The following DTX2 variants were observed in gnomAD, a reference collection of about 807,000 sequenced individuals.
The protein encoded by DTX2 is deltex E3 ubiquitin ligase 2, also known as probable E3 ubiquitin-protein ligase DTX2.
Under a neutral mutation model 55.3 loss-of-function variants are expected in DTX2, and 29 were observed. The ratio of observed to expected loss-of-function variants is 0.52; its 90% CI spans 0.39 to 0.71. DTX2 has a LOEUF of 0.71. Among genes scored for constraint, DTX2 ranks in the 30% least tolerant of loss-of-function variants. DTX2 has a pLI of 0.00. For missense variants in DTX2, 537 were observed against 822.5 expected (o/e 0.65, Z 4.25); for synonymous variants, 276 against 340.4 (o/e 0.81, Z 2.08).
At chr7:76,483,778 G>C (rs1271733196) in intron 4 of DTX2, among the ~76,000 whole-genome samples, 1 of 150,910 alleles carries the variant, frequency 6.6e-6, no homozygotes, top group Admixed American at 6.6e-5. Flanking sequence ...GATTGGTCAG[G>C]CACAGAGGCT....
intron 4 of DTX2, among the ~76,000 whole-genome samples, chr7:76,486,846 G>GGCGGCTGCT (rs1554636852): frequency 1.3e-5 from 1 of 79,832 alleles, no homozygotes; most frequent in Non-Finnish European, 2.7e-5. Context: ...TGTTGTGGTG[G>GGCGGCTGCT]GCTGCTGCTG....
At chr7:76,468,461 T>A (rs1807445480) in intron 2 of DTX2, among the ~76,000 whole-genome samples, 1 of 96,108 alleles carries the variant, frequency 1.0e-5, no homozygotes, top group Non-Finnish European at 2.0e-5. Context: ...TTTTTTTTTT[T>A]TTTTTTTTTT....
intron 4 of DTX2, among the ~76,000 whole-genome samples, chr7:76,484,308 C>T (rs1340588478): frequency 3.9e-5 from 4 of 103,852 alleles, no homozygotes; most frequent in Non-Finnish European, 5.9e-5. Context: ...CGTGCCACTG[C>T]GTTCCAGCCT....
chr7:76,468,027 T>C (rs1157142990), intron 2 of DTX2, among the ~76,000 whole-genome samples: 1 of 152,254 alleles, frequency 6.6e-6, no homozygotes, highest in Non-Finnish European at 1.5e-5. Flanking sequence ...CAAGGGAATA[T>C]TGAAGCCATG....
At chr7:76,480,301 T>C (rs142909384) in intron 2 of DTX2, 120 bp from the exon 3 acceptor site, 8,300 of 577,370 alleles carry the variant, frequency 0.014, 457 homozygotes, top group East Asian at 0.13. Context: ...TGAGACCCTG[T>C]AACCAAAAAA....
chr7:76,502,478 G>A (rs376289670), intron 8 of DTX2, 22 bp downstream of exon 8: 21 of 1,606,476 alleles, frequency 1.3e-5, no homozygotes, highest in African/African-American at 6.7e-5. Flanking sequence ...GGCCCAGGGC[G>A]GAGGCGGGTG....
Position 76,488,156 on chromosome 7 carries a change from C to T in DTX2, c.909-3997C>T, listed in dbSNP as rs189491181. On this transcript the variant is annotated intron_variant, in intron 4 of 10. Transcript: ENST00000430490. ...TTAGAGCTTTCTACAGAACATTCTCCTGGTTCCTGCTCTCTATTCGCAGGG... is the reference window on the plus strand; with the variant it reads ...TTAGAGCTTTCTACAGAACATTCTCTTGGTTCCTGCTCTCTATTCGCAGGG... Among the ~76,000 whole-genome samples the T allele has an allele frequency of 2.7e-3, 229 of 85,224 alleles. 59 individuals carry two copies. Among genetic ancestry groups the T allele is most frequent in the African/African-American group, 0.012 (220 of 17,612 alleles). 55.9% of individuals were successfully genotyped at this position (85,224 alleles called of 152,430 possible). A position where few individuals can be genotyped will look rare whatever the true frequency, so the allele number is the denominator to read the frequency against.
At chr7:76,503,840 G>A (rs1260377023) in intron 9 of DTX2, among the ~76,000 whole-genome samples, 10 of 150,354 alleles carry the variant, frequency 6.7e-5, no homozygotes, top group African/African-American at 1.7e-4. Context: ...CCTTCCTAGA[G>A]GAGGAGCCAT....
intron 6 of DTX2, among the ~76,000 whole-genome samples, chr7:76,499,368 A>G (rs35538069): frequency 0.63 from 91,100 of 144,424 alleles, 29,423 homozygotes; most frequent in African/African-American, 0.75. Flanking sequence ...TCCAGCCTCC[A>G]CCCCACCACG....
rs1369090214 is a variant in DTX2 at position 76,482,595 on chromosome 7, G to A, written c.356G>A (p.Gly119Asp). Residue 119 changes from glycine to aspartate, a missense_variant, in exon 4 of 11, where the codon GGC (glycine) becomes GAC (aspartate). Coordinates refer to ENST00000430490, the MANE Select transcript of DTX2 (RefSeq NM_001102594.3). The part of the protein sequence containing the change: ...GVVWEWLSDD[G>D]SWTAYEASVC... ...GTCTGGGAGTGGCTGAGCGACGATG[G>A]CTCCTGGACTGCCTATGAAGCCAGC... is the stretch of plus-strand genomic sequence containing the variant. The A allele has an allele frequency of 8.1e-6, 13 of 1,613,542 alleles. No individual in the cohort carries two copies. Among genetic ancestry groups the A allele is most frequent in the Non-Finnish European group, 1.1e-5 (13 of 1,179,770 alleles).
intron 7 of DTX2, 79 bp from the exon 8 acceptor site, chr7:76,502,219 A>T: frequency 1.4e-6 from 2 of 1,444,632 alleles, no homozygotes; most frequent in East Asian, 4.7e-5. Flanking sequence ...TCAGCACATG[A>T]AAGCCTCTTT....
chr7:76,473,115 G>A (rs1321887968), intron 2 of DTX2, among the ~76,000 whole-genome samples: 2 of 151,974 alleles, frequency 1.3e-5, no homozygotes, highest in Non-Finnish European at 2.9e-5. Flanking sequence ...ATAGGTGTGA[G>A]CCACCATGCT....
intron 2 of DTX2, among the ~76,000 whole-genome samples, chr7:76,472,443 C>T (rs1808038557): frequency 6.9e-6 from 1 of 144,644 alleles, no homozygotes; most frequent in Admixed American, 7.0e-5. Flanking sequence ...TCTCCTGCCT[C>T]AGCTTCCCAG....
intron 2 of DTX2, chr7:76,478,684 A>AG (rs771985167): frequency 1.9e-5 from 2 of 103,710 alleles, no homozygotes; most frequent in East Asian, 4.2e-4. Flanking sequence ...AAACACTGGC[A>AG]TTGCAGGTGT....
At chr7:76,503,681 G>T (rs1811996877) in intron 9 of DTX2, 94 bp downstream of exon 9, 1 of 1,198,502 alleles carries the variant, frequency 8.3e-7, no homozygotes, top group African/African-American at 1.5e-5. Context: ...GGCTGAGGAT[G>T]CCCATGTGGC....
At chr7:76,474,118 T>C (rs1808256461) in intron 2 of DTX2, among the ~76,000 whole-genome samples, 1 of 151,542 alleles carries the variant, frequency 6.6e-6, no homozygotes, top group African/African-American at 2.4e-5. Flanking sequence ...ATGGGGTTTC[T>C]CCATGTTGGT....
chr7:76,503,115 A>G, intron 8 of DTX2: 1 of 408,438 alleles, frequency 2.4e-6, no homozygotes, highest in East Asian at 4.1e-5. Context: ...CGCAGATCAG[A>G]CGCTGCAAGG....
intron 4 of DTX2, among the ~76,000 whole-genome samples, chr7:76,491,117 C>T (rs1810376984): frequency 6.7e-6 from 1 of 150,030 alleles, no homozygotes; most frequent in African/African-American, 2.5e-5. Context: ...CCTGCCTCAG[C>T]CTCCCAAGTA....
At chr7:76,504,969 G>T (rs556099717) in intron 10 of DTX2, among the ~76,000 whole-genome samples, 1 of 151,092 alleles carries the variant, frequency 6.6e-6, no homozygotes, top group Admixed American at 6.6e-5. Context: ...AGCTCTGGCC[G>T]TGTGAGAATG....
Sources: gnomAD v4.1 joint callset for allele counts (sites outside exome capture counted in the v4.1 genomes callset) on GRCh38, gnomAD v4.1.1 for gene constraint, MANE v1.5 for transcripts, NCBI Gene and HGNC (gene_info 2026-07-23, HGNC 2026-07-21) for gene names.